SPATA31H1: variants seen among roughly 807,000 people sequenced by gnomAD.
SPATA31H1 encodes spermatogenesis-associated protein 31H1.
the SPATA31H1 span, chr2:27,581,609 C>T: frequency 2.1e-5 from 34 of 1,592,384 alleles, no homozygotes; most frequent in Middle Eastern, 1.7e-4. Context: ...GGAGCCATCG[C>T]GGTCCCTCAG....
At chr2:27,570,486 G>T in the SPATA31H1 span, 1 of 398,950 alleles carries the variant, frequency 2.5e-6, no homozygotes, top group East Asian at 3.6e-5. Flanking sequence ...TGTAGAGGTG[G>T]TTCCAAAGTT....
chr2:27,540,297 G>A, the SPATA31H1 span, among the ~76,000 whole-genome samples: 3 of 130,390 alleles, frequency 2.3e-5, no homozygotes, highest in Non-Finnish European at 3.4e-5. Flanking sequence ...CTCCCGGACG[G>A]GGCGGCTGGC....
the SPATA31H1 span, among the ~76,000 whole-genome samples, chr2:27,539,733 GC>G: frequency 4.4e-4 from 29 of 65,786 alleles, no homozygotes; most frequent in Non-Finnish European, 6.0e-4. Context: ...GGGGCGGCTG[GC>G]CGGGCGGGGG....
At chr2:27,569,692 A>G in the SPATA31H1 span, 1 of 398,948 alleles carries the variant, frequency 2.5e-6, no homozygotes, top group East Asian at 3.6e-5. Flanking sequence ...GGAGTGGTAG[A>G]ATCTGAGGAG....
chr2:27,550,419 T>G, the SPATA31H1 span, among the ~76,000 whole-genome samples: 5 of 141,542 alleles, frequency 3.5e-5, no homozygotes, highest in Non-Finnish European at 7.7e-5. Flanking sequence ...AAATTTTTTT[T>G]TTTTTTTTTT....
chr2:27,576,764 G>A, the SPATA31H1 span: 4 of 1,613,854 alleles, frequency 2.5e-6, no homozygotes, highest in Non-Finnish European at 3.4e-6. Flanking sequence ...AATCTTTGGA[G>A]TTTACTGTAG....
chr2:27,562,129 GT>G, the SPATA31H1 span, among the ~76,000 whole-genome samples: 1 of 152,128 alleles, frequency 6.6e-6, no homozygotes, highest in Admixed American at 6.5e-5. Flanking sequence ...ATGTGTTCCT[GT>G]TTTTATTTCC....
At chr2:27,574,107 A>G in the SPATA31H1 span, 3 of 398,444 alleles carry the variant, frequency 7.5e-6, no homozygotes, top group African/African-American at 4.1e-5. Context: ...TACAGACTTC[A>G]AACCTGGGCC....
At chr2:27,580,062 T>C in the SPATA31H1 span, 7 of 1,614,082 alleles carry the variant, frequency 4.3e-6, no homozygotes, top group South Asian at 1.1e-5. Context: ...TGAGGTTCGG[T>C]TGCATCTTGG....
At chr2:27,548,855 T>C in the SPATA31H1 span, among the ~76,000 whole-genome samples, 1 of 151,444 alleles carries the variant, frequency 6.6e-6, no homozygotes, top group Non-Finnish European at 1.5e-5. Context: ...CTTGGATCAC[T>C]TGAGGTCAGG....
At chr2:27,560,069 T>C in the SPATA31H1 span, among the ~76,000 whole-genome samples, 3 of 151,676 alleles carry the variant, frequency 2.0e-5, no homozygotes, top group African/African-American at 7.3e-5. Flanking sequence ...GGTTTCACCA[T>C]GTTGGCCAGG....
the SPATA31H1 span, among the ~76,000 whole-genome samples, chr2:27,545,584 T>TG: frequency 6.6e-6 from 1 of 151,180 alleles, no homozygotes; most frequent in Non-Finnish European, 1.5e-5. Flanking sequence ...TTTTTCTTTT[T>TG]TTTTTTTTTG....
the SPATA31H1 span, among the ~76,000 whole-genome samples, chr2:27,543,610 C>T: frequency 8.1e-3 from 1,234 of 151,712 alleles, 48 homozygotes; most frequent in African/African-American, 0.029. Flanking sequence ...TATAAGAACT[C>T]CACAGTTTCT....
chr2:27,546,907 G>A, the SPATA31H1 span, among the ~76,000 whole-genome samples: 1 of 151,890 alleles, frequency 6.6e-6, no homozygotes, highest in African/African-American at 2.4e-5. Context: ...TTTAAAATCT[G>A]ACCCTACACT....
the SPATA31H1 span, among the ~76,000 whole-genome samples, chr2:27,541,330 G>A: frequency 6.6e-6 from 1 of 151,616 alleles, no homozygotes; most frequent in East Asian, 2.0e-4. Context: ...GCTGCAGTGA[G>A]CCGAGATGGC....
chr2:27,558,772 G>T, the SPATA31H1 span, among the ~76,000 whole-genome samples: 1 of 99,144 alleles, frequency 1.0e-5, no homozygotes, highest in Admixed American at 1.1e-4. Context: ...GTGGCGGTGC[G>T]CGCCTGCAAT....
chr2:27,579,418 C>A, the SPATA31H1 span: 2 of 1,614,214 alleles, frequency 1.2e-6, no homozygotes, highest in Non-Finnish European at 1.7e-6. Context: ...GGTCCAGTTA[C>A]TATTTCTCAG....
chr2:27,540,533 C>A, the SPATA31H1 span, among the ~76,000 whole-genome samples: 930 of 137,548 alleles, frequency 6.8e-3, 2 homozygotes, highest in Non-Finnish European at 0.01. Context: ...GCTGACCCCC[C>A]CCCCACCTCC....
At chr2:27,555,847 G>A in the SPATA31H1 span, among the ~76,000 whole-genome samples, 2 of 151,484 alleles carry the variant, frequency 1.3e-5, no homozygotes, top group Non-Finnish European at 2.9e-5. Context: ...GACCCATTGT[G>A]TTAGGGCTGG....
Sources: allele counts gnomAD v4.1 joint callset (sites outside exome capture counted in the v4.1 genomes callset), GRCh38; gene constraint gnomAD v4.1.1; transcripts MANE v1.5; gene names NCBI Gene and HGNC (gene_info 2026-07-23, HGNC 2026-07-21).